The following NCOA6 variants were observed in gnomAD, a reference collection of about 807,000 sequenced individuals.
NCOA6 encodes NRC RAP250.
In NCOA6, 49 loss-of-function variants were observed where a neutral mutation model predicts 171.4. That is an observed-to-expected ratio of 0.29 (90% CI 0.23 to 0.36). The LOEUF (loss-of-function observed/expected upper bound fraction) is 0.36. Among genes scored for constraint, NCOA6 ranks in the 10% least tolerant of loss-of-function variants. The pLI, the probability that NCOA6 is intolerant of heterozygous loss-of-function variation, is 1.00. For missense variants in NCOA6, 2,248 were observed against 2,554.5 expected (o/e 0.88, Z 2.59); for synonymous variants, 910 against 927.5 (o/e 0.98, Z 0.34).
At chr20:34,744,509 C>T (rs1159708685) in intron 10 of NCOA6, among the ~76,000 whole-genome samples, 1 of 152,078 alleles carries the variant, frequency 6.6e-6, no homozygotes, top group African/African-American at 2.4e-5. Flanking sequence ...GGAATAAGAA[C>T]AACTGGCTCT....
intron 13 of NCOA6, among the ~76,000 whole-genome samples, chr20:34,731,637 T>C (rs1486084128): frequency 6.6e-6 from 1 of 152,204 alleles, no homozygotes; most frequent in Non-Finnish European, 1.5e-5. Context: ...ACAGGGATGA[T>C]ATGAAGATTA....
rs965317414 is a variant in NCOA6, at chr20:34,727,186, G to A, written c.6148+73C>T. The A allele has an allele frequency of 1.3e-4, 199 of 1,517,970 alleles. No homozygotes were observed. In the African/African-American group the frequency reaches 2.6e-3, roughly 20 times the overall value. The allele number at this position is 1,517,970 out of a possible 1,614,324, so 94.0% of individuals were successfully genotyped here. Reference sequence around the variant, plus strand: ...AACAGAAGCAATGATGAAGGACAAAGTCTTCTACTGCTGTGGTAAGAACTC... The same window carrying A: ...AACAGAAGCAATGATGAAGGACAAAATCTTCTACTGCTGTGGTAAGAACTC... On this transcript the variant is annotated intron_variant, in intron 14 of 14. Transcript: ENST00000359003.
In NCOA6 at chr20:34,757,917, TTGCTGCTGCTGC is replaced by T. The variant is rs752981889; in HGVS notation, c.819_830del (p.Gln282_Gln285del). The T allele has an allele frequency of 5.6e-5, 90 of 1,612,774 alleles. No homozygotes were observed. The highest frequency in any genetic ancestry group is 6.6e-5 in the Non-Finnish European group (78 of 1,179,418). On this transcript the variant is annotated inframe_deletion, in exon 7 of 15. Transcript: ENST00000359003. Reference sequence around the variant, plus strand: ...ACTGTTGTTGCTGCTGTTGCTGTTGTTGCTGCTGCTGCTGCTGCTGCTGCTGTTGTTGTTGTT... The same window carrying T: ...ACTGTTGTTGCTGCTGTTGCTGTTGTTGCTGCTGCTGCTGTTGTTGTTGTT...
chr20:34,809,297 A>G (rs2078573621), intron 1 of NCOA6, among the ~76,000 whole-genome samples: 1 of 152,220 alleles, frequency 6.6e-6, no homozygotes, highest in African/African-American at 2.4e-5. Flanking sequence ...TCCAACCCAC[A>G]TGCCAAATGC....
In NCOA6 at chr20:34,750,016, G is replaced by T. The variant is rs1204723230; in HGVS notation, c.2179C>A (p.Gln727Lys). Residue 727 changes from glutamine to lysine, a missense_variant, in exon 9 of 15, where the codon CAG (glutamine) becomes AAG (lysine). By Grantham distance (53) the Gln-to-Lys change is moderately conservative. Around this residue, in one of 7 missense-constraint regions of NCOA6, gnomAD observed 987 missense variants for 1,104.7 expected, o/e 0.89. Coordinates refer to ENST00000359003, the MANE Select transcript of NCOA6 (RefSeq NM_014071.5). ...TTGGACTGGTTCTGAGTGTTAAACTGCTGCTTATTCCCCTGCATTTGATTG... is the reference window on the plus strand; with the variant it reads ...TTGGACTGGTTCTGAGTGTTAAACTTCTGCTTATTCCCCTGCATTTGATTG... ...MTNQMQGNKQQFNTQNQSNVM... is the reference protein window; with the variant it reads ...MTNQMQGNKQKFNTQNQSNVM... 6.2e-7 allele frequency: 1 copy of T among 1,614,234 alleles called. No individual in the cohort carries two copies. The highest frequency in any genetic ancestry group is 1.7e-5 in the Admixed American group (1 of 60,026).
chr20:34,780,939 C>CTACT (rs2077500581), intron 3 of NCOA6, among the ~76,000 whole-genome samples: 2 of 152,186 alleles, frequency 1.3e-5, no homozygotes, highest in South Asian at 2.1e-4. Context: ...CAGGCATGAA[C>CTACT]TACTGTGCCT....
chr20:34,800,303 A>C (rs1339458787), intron 1 of NCOA6, among the ~76,000 whole-genome samples: 1 of 152,166 alleles, frequency 6.6e-6, no homozygotes, highest in East Asian at 1.9e-4. Flanking sequence ...GAAGGAAGGG[A>C]AGAAGGAAAA....
chr20:34,741,659 T>C lies in NCOA6; in HGVS notation c.4597A>G (p.Thr1533Ala). ...TTAGAAGAAGACAGATCCTGCAGTGTGGGAATGACAGATGCTTTTTTGAGG... is the reference window on the plus strand; with the variant it reads ...TTAGAAGAAGACAGATCCTGCAGTGCGGGAATGACAGATGCTTTTTTGAGG... ...EDLKKASVIP[T>A]LQDLSSSKEP... Residue 1533 changes from threonine (T) to alanine (A), a missense_variant, in exon 11 of 15, where the codon ACA becomes GCA. Transcript: ENST00000359003. 1.9e-6 allele frequency: 3 copies of C among 1,614,148 alleles called. No individual in the cohort carries two copies. The highest frequency in any genetic ancestry group is 1.7e-6 in the Non-Finnish European group (2 of 1,180,024).
intron 1 of NCOA6, among the ~76,000 whole-genome samples, chr20:34,824,254 C>CA (rs1240261763): frequency 1.3e-5 from 2 of 152,222 alleles, no homozygotes; most frequent in African/African-American, 4.8e-5. Flanking sequence ...ACCTTTCTCC[C>CA]AGCTAGCAAA....
rs145675042 is a variant in NCOA6 at position 34,742,052 on chromosome 20, T to G, written c.4204A>C (p.Thr1402Pro). 2 of 1,612,902 alleles carry G rather than the reference T, an allele frequency of 1.2e-6. No homozygotes were observed. Among genetic ancestry groups the G allele is most frequent in the Admixed American group, 1.7e-5 (1 of 59,974 alleles). The change falls in exon 11 of 15, where the codon ACT (threonine) becomes CCT (proline). Residue 1402 changes from threonine to proline, a missense_variant. Around this residue, in one of 7 missense-constraint regions of NCOA6, gnomAD observed 884 missense variants for 941.9 expected, o/e 0.94. Transcript: ENST00000359003. ...NNSGLNPQNS[T>P]VSVAAVGGVV... ...CCCCCAACTGCAGCCACAGACACAG[T>G]AGAATTCTGAGGATTCAGCCCACTG... is the stretch of plus-strand genomic sequence containing the variant.
intron 2 of NCOA6, among the ~76,000 whole-genome samples, chr20:34,784,596 C>T (rs978220621): frequency 8.1e-4 from 124 of 152,172 alleles, no homozygotes; most frequent in African/African-American, 2.9e-3. Context: ...GCCTGGGCAA[C>T]ACTGTGAGAC....
At chr20:34,787,266 G>A (rs988987794) in intron 2 of NCOA6, among the ~76,000 whole-genome samples, 2 of 152,118 alleles carry the variant, frequency 1.3e-5, no homozygotes, top group African/African-American at 4.8e-5. Flanking sequence ...GTTCAGGCCT[G>A]TAATCCCAGC....
intron 1 of NCOA6, chr20:34,819,521 C>T (rs1288231513): frequency 2.6e-5 from 4 of 152,144 alleles, no homozygotes; most frequent in Non-Finnish European, 5.9e-5. Context: ...AAAGTGATGG[C>T]GTGAGAAGAG....
intron 5 of NCOA6, among the ~76,000 whole-genome samples, chr20:34,764,519 C>T (rs2076915299): frequency 6.6e-6 from 1 of 151,322 alleles, no homozygotes; most frequent in Admixed American, 6.6e-5. Flanking sequence ...GATGGTGAAA[C>T]TACTAAAAAT....
At chr20:34,797,635 C>T (rs763140101) in intron 1 of NCOA6, among the ~76,000 whole-genome samples, 3 of 151,996 alleles carry the variant, frequency 2.0e-5, no homozygotes, top group Non-Finnish European at 4.4e-5. Context: ...TGCCTATAAT[C>T]CCAGCACTTT....
chr20:34,732,539 T>C lies in NCOA6; in HGVS notation c.5999+20A>G. The C allele has an allele frequency of 6.2e-7, 1 of 1,612,362 alleles. No individual in the cohort carries two copies. The highest frequency in any genetic ancestry group is 8.5e-7 in the Non-Finnish European group (1 of 1,178,568). ...GCTTATGCTGTGTTCATGCTACGTC[T>C]GCAGAAATGATCATCTTACCTTTGT... On this transcript the variant is annotated intron_variant, in intron 13 of 14. Coordinates refer to ENST00000359003, the MANE Select transcript of NCOA6 (RefSeq NM_014071.5).
chr20:34,735,284 T>C lies in NCOA6; in HGVS notation c.5962+1406A>G, dbSNP rs13044758. ...CCCCTCCTTTAAATAACGTGCTCCA[T>C]TCCTACCCTTCTCAAATATCCAACA... On this transcript the variant is annotated intron_variant, in intron 12 of 14. Transcript: ENST00000359003. 5.5e-3 allele frequency among the ~76,000 whole-genome samples: 832 copies of C among 152,286 alleles called. 2 individuals carry two copies. The highest frequency in any genetic ancestry group is 9.2e-3 in the Non-Finnish European group (628 of 68,020).
chr20:34,730,151 C>A (rs1990441157), intron 13 of NCOA6, among the ~76,000 whole-genome samples: 1 of 151,952 alleles, frequency 6.6e-6, no homozygotes, highest in African/African-American at 2.4e-5. Context: ...TCATTGCAGC[C>A]CTGACCTCCC....
At chr20:34,804,017 C>A (rs2078353996) in intron 1 of NCOA6, among the ~76,000 whole-genome samples, 1 of 148,536 alleles carries the variant, frequency 6.7e-6, no homozygotes, top group Non-Finnish European at 1.5e-5. Flanking sequence ...ACAGCTTAGA[C>A]AACACAGTGA....
Sources: gnomAD v4.1 joint callset for allele counts (sites outside exome capture counted in the v4.1 genomes callset) on GRCh38, gnomAD v4.1.1 for gene constraint, gnomAD v4.1.1 regional missense constraint, MANE v1.5 for transcripts, NCBI Gene and HGNC (gene_info 2026-07-23, HGNC 2026-07-21) for gene names.